The following B3GALT1 variants were observed in gnomAD, a reference collection of about 807,000 sequenced individuals.
B3GALT1 encodes the protein UDP-Gal:betaGlcNAc beta 1,3-galactosyltransferase, polypeptide 1.
Under a neutral mutation model 23.2 loss-of-function variants are expected in B3GALT1, and 10 were observed. The ratio of observed to expected loss-of-function variants is 0.43; its 90% CI spans 0.27 to 0.73. The LOEUF (loss-of-function observed/expected upper bound fraction) is 0.73. Among genes scored for constraint, B3GALT1 ranks in the 30% least tolerant of loss-of-function variants. B3GALT1 has a pLI of 0.21. For missense variants in B3GALT1, 299 were observed against 405.4 expected (o/e 0.74, Z 2.25); for synonymous variants, 156 against 141.5 (o/e 1.10, Z -0.73).
chr2:167,546,134 A>G (rs955482961), intron 2 of B3GALT1, among the ~76,000 whole-genome samples: 4 of 152,188 alleles, frequency 2.6e-5, no homozygotes, highest in African/African-American at 9.7e-5. Context: ...TTAGTCTGTA[A>G]AAGGAGACAA....
At chr2:167,618,954 T>C (rs955104396) in intron 2 of B3GALT1, among the ~76,000 whole-genome samples, 2 of 151,978 alleles carry the variant, frequency 1.3e-5, no homozygotes, top group Admixed American at 6.6e-5. Context: ...CTTTTTTTTT[T>C]CTTTCTAGTT....
intron 3 of B3GALT1, among the ~76,000 whole-genome samples, chr2:167,802,398 GGTT>G (rs1270825413): frequency 6.6e-6 from 1 of 152,142 alleles, no homozygotes. Flanking sequence ...CATTTTGTGT[GGTT>G]GTTTTTTATC....
At chr2:167,583,952 T>C (rs1175761999) in intron 2 of B3GALT1, among the ~76,000 whole-genome samples, 3 of 134,402 alleles carry the variant, frequency 2.2e-5, no homozygotes, top group Non-Finnish European at 4.5e-5. Flanking sequence ...AAATTATGTC[T>C]AGACATATAT....
At chr2:167,476,323 G>C (rs1013015212) in intron 1 of B3GALT1, among the ~76,000 whole-genome samples, 1 of 152,198 alleles carries the variant, frequency 6.6e-6, no homozygotes, top group African/African-American at 2.4e-5. Context: ...ACAGCTAAAA[G>C]TATTGAGCAT....
chr2:167,644,499 C>T (rs1036160530), intron 2 of B3GALT1, among the ~76,000 whole-genome samples: 1 of 151,948 alleles, frequency 6.6e-6, no homozygotes, highest in Non-Finnish European at 1.5e-5. Context: ...AAACATTTTA[C>T]GCAGGGCACA....
At chr2:167,538,317 C>A (rs1019733647) in intron 2 of B3GALT1, among the ~76,000 whole-genome samples, 4 of 152,150 alleles carry the variant, frequency 2.6e-5, no homozygotes, top group African/African-American at 9.7e-5. Flanking sequence ...TGCATGCATA[C>A]AAATACATAT....
chr2:167,448,811 A>T (rs942404234), intron 1 of B3GALT1, among the ~76,000 whole-genome samples: 19 of 152,122 alleles, frequency 1.2e-4, no homozygotes, highest in African/African-American at 4.6e-4. Flanking sequence ...TCATTCTCCT[A>T]CATGTGGCTT....
chr2:167,313,443 G>A (rs185086166), intron 1 of B3GALT1, among the ~76,000 whole-genome samples: 1 of 152,116 alleles, frequency 6.6e-6, no homozygotes, highest in African/African-American at 2.4e-5. Flanking sequence ...AACATAAAGA[G>A]ATACCTGTAT....
intron 2 of B3GALT1, among the ~76,000 whole-genome samples, chr2:167,495,579 C>T (rs1054045813): frequency 3.9e-5 from 6 of 152,014 alleles, no homozygotes; most frequent in Admixed American, 6.6e-5. Context: ...GTGATCTGCC[C>T]GCCTTGGCCT....
intron 3 of B3GALT1, among the ~76,000 whole-genome samples, chr2:167,689,037 G>A (rs911678419): frequency 1.3e-5 from 2 of 151,778 alleles, no homozygotes; most frequent in African/African-American, 2.4e-5. Flanking sequence ...GACTGGCTTT[G>A]GGGAGGAGTC....
rs540938039 is a variant in B3GALT1 at position 167,320,734 on chromosome 2, CAT to C, written c.-511+27401_-511+27402del. On this transcript the variant is annotated intron_variant, in intron 1 of 4. Coordinates refer to ENST00000392690, the MANE Select transcript of B3GALT1 (RefSeq NM_020981.4). ...ATTTGGCTATATTTTAAGAAAACAA[CAT>C]GTTTTTAAAAAATGAATTGGAAACA... is the stretch of plus-strand genomic sequence containing the variant. 9.3e-4 allele frequency among the ~76,000 whole-genome samples: 142 copies of C among 151,882 alleles called. 1 individual carries two copies. Among genetic ancestry groups the C allele is most frequent in the African/African-American group, 3.3e-3 (136 of 41,452 alleles).
intron 2 of B3GALT1, among the ~76,000 whole-genome samples, chr2:167,509,503 A>C (rs946314567): frequency 1.3e-5 from 2 of 152,134 alleles, no homozygotes; most frequent in Non-Finnish European, 2.9e-5. Context: ...GCTAAGGGGG[A>C]AAAACAACAT....
At chr2:167,399,598 G>A (rs545575069) in intron 1 of B3GALT1, among the ~76,000 whole-genome samples, 7 of 151,214 alleles carry the variant, frequency 4.6e-5, no homozygotes, top group Admixed American at 6.6e-5. Context: ...GTTTTTTTCT[G>A]ATTCATAGAA....
intron 2 of B3GALT1, among the ~76,000 whole-genome samples, chr2:167,618,553 T>C (rs1437167695): frequency 6.6e-6 from 1 of 152,016 alleles, no homozygotes; most frequent in Non-Finnish European, 1.5e-5. Flanking sequence ...GAAACATTAG[T>C]ACTATCTAAT....
chr2:167,623,097 A>T (rs1271930912), intron 2 of B3GALT1, among the ~76,000 whole-genome samples: 1 of 152,190 alleles, frequency 6.6e-6, no homozygotes, highest in Non-Finnish European at 1.5e-5. Context: ...TAGAATGGCG[A>T]TCATTGAAAA....
intron 1 of B3GALT1, among the ~76,000 whole-genome samples, chr2:167,459,537 T>A (rs1699224759): frequency 6.6e-6 from 1 of 152,126 alleles, no homozygotes; most frequent in Non-Finnish European, 1.5e-5. Flanking sequence ...AAATGTGGAG[T>A]TACAAACCAA....
At chr2:167,642,396 A>G (rs1399623508) in intron 2 of B3GALT1, among the ~76,000 whole-genome samples, 2 of 152,210 alleles carry the variant, frequency 1.3e-5, no homozygotes, top group Non-Finnish European at 2.9e-5. Flanking sequence ...TGTTTTGTCC[A>G]TGTTCAATGG....
At chr2:167,355,697 T>A (rs1174448299) in intron 1 of B3GALT1, among the ~76,000 whole-genome samples, 1 of 152,216 alleles carries the variant, frequency 6.6e-6, no homozygotes, top group Non-Finnish European at 1.5e-5. Context: ...GAATACTTTT[T>A]AAAATTATGA....
chr2:167,660,702 G>A (rs2105472233), intron 3 of B3GALT1, among the ~76,000 whole-genome samples: 1 of 152,174 alleles, frequency 6.6e-6, no homozygotes, highest in East Asian at 1.9e-4. Flanking sequence ...CCTATAAGCA[G>A]ATATTTAGGT....
Sources: gnomAD v4.1 joint callset for allele counts (sites outside exome capture counted in the v4.1 genomes callset) on GRCh38, gnomAD v4.1.1 for gene constraint, MANE v1.5 for transcripts, NCBI Gene and HGNC (gene_info 2026-07-23, HGNC 2026-07-21) for gene names.